SLC17A1: variants seen among roughly 807,000 people sequenced by gnomAD.
SLC17A1 encodes sodium-dependent phosphate transport protein 1.
Under a neutral mutation model 53.5 loss-of-function variants are expected in SLC17A1, and 51 were observed. The ratio of observed to expected loss-of-function variants is 0.95; its 90% CI spans 0.76 to 1.20. The LOEUF (loss-of-function observed/expected upper bound fraction) is 1.20. SLC17A1 is among the 50% of genes most tolerant of loss of function. The pLI is 0.00. For missense variants in SLC17A1, 538 were observed against 568.2 expected, an observed-to-expected ratio of 0.95 and a Z score of 0.54; for synonymous variants, 179 against 198.8, an observed-to-expected ratio of 0.90 and a Z score of 0.84.
At position 25,819,922 on chromosome 6, in the gene SLC17A1, G is replaced by C; in HGVS notation, c.208-7C>G. 8 of 1,545,272 alleles carry C rather than the reference G, an allele frequency of 5.2e-6. No homozygotes were observed. The highest frequency in any genetic ancestry group is 7.1e-6 in the Non-Finnish European group (8 of 1,127,650). The stretch of plus-strand genomic sequence containing the variant: ...TCCAATTATACATAGGGTTCTAAAA[G>C]ACAAGGGGGGACATGTCGAATCACT... On this transcript the variant is annotated splice_polypyrimidine_tract_variant and splice_region_variant and intron_variant, in intron 3 of 12. Transcript: ENST00000244527.
chr6:25,727,375 T>TG, the SLC17A1 span: 1 of 1,304,406 alleles, frequency 7.7e-7, no homozygotes, highest in Non-Finnish European at 1.0e-6. Flanking sequence ...GGGCTTCGTT[T>TG]TTGTGTAGTT....
chr6:25,770,936 G>A, the SLC17A1 span: 6 of 1,613,784 alleles, frequency 3.7e-6, no homozygotes, highest in Non-Finnish European at 5.1e-6. Context: ...GGTCAATGCT[G>A]GGGTCCTTCA....
chr6:25,811,872 T>C, intron 8 of SLC17A1, 102 bp from the exon 9 acceptor site: 2 of 1,256,166 alleles, frequency 1.6e-6, no homozygotes, highest in Non-Finnish European at 2.2e-6. Flanking sequence ...AATGTGTACT[T>C]TCATATAGGA....
At chr6:25,757,560 C>A in the SLC17A1 span, among the ~76,000 whole-genome samples, 1 of 152,096 alleles carries the variant, frequency 6.6e-6, no homozygotes, top group Admixed American at 6.5e-5. Flanking sequence ...TGCCCCCCAA[C>A]CCGCTGCTCC....
the SLC17A1 span, chr6:25,732,484 A>G: frequency 1.5e-4 from 58 of 374,826 alleles, no homozygotes; most frequent in Admixed American, 2.9e-4. Flanking sequence ...GGTACGCGCT[A>G]TTCATTCAGA....
intron 10 of SLC17A1, among the ~76,000 whole-genome samples, chr6:25,806,177 T>C (rs559314845): frequency 6.8e-4 from 104 of 152,150 alleles, no homozygotes; most frequent in Middle Eastern, 3.4e-3. Context: ...GATAGAATAA[T>C]ACACCATGAT....
chr6:25,810,952 A>G (rs1227654121), intron 10 of SLC17A1, among the ~76,000 whole-genome samples: 2 of 152,208 alleles, frequency 1.3e-5, no homozygotes, highest in Non-Finnish European at 2.9e-5. Flanking sequence ...GTCATTTGTG[A>G]CAACTTGAAT....
chr6:25,741,156 A>G, the SLC17A1 span, among the ~76,000 whole-genome samples: 2 of 152,206 alleles, frequency 1.3e-5, no homozygotes, highest in African/African-American at 4.8e-5. Flanking sequence ...GCTAAAAGAG[A>G]AGATTTGTAA....
At chr6:25,824,519 A>T (rs761779353) in intron 3 of SLC17A1, among the ~76,000 whole-genome samples, 20 of 152,034 alleles carry the variant, frequency 1.3e-4, no homozygotes, top group Admixed American at 4.6e-4. Context: ...TAACATATAG[A>T]TACATAAAAT....
At chr6:25,775,742 A>G in the SLC17A1 span, among the ~76,000 whole-genome samples, 1 of 152,102 alleles carries the variant, frequency 6.6e-6, no homozygotes, top group African/African-American at 2.4e-5. Context: ...TTTCCTATAT[A>G]TATTCTTTCT....
chr6:25,790,902 C>A (rs1763486507), intron 12 of SLC17A1, among the ~76,000 whole-genome samples: 1 of 151,990 alleles, frequency 6.6e-6, no homozygotes. Context: ...AAAACGAAAC[C>A]AACAAGATAG....
the SLC17A1 span, among the ~76,000 whole-genome samples, chr6:25,733,665 A>G: frequency 3.9e-5 from 6 of 152,100 alleles, no homozygotes. Context: ...CTTTGGTTTG[A>G]GATATAATGG....
chr6:25,810,677 A>G (rs1227837555), intron 10 of SLC17A1, among the ~76,000 whole-genome samples: 1 of 152,160 alleles, frequency 6.6e-6, no homozygotes, highest in Non-Finnish European at 1.5e-5. Flanking sequence ...TACAGCTGTT[A>G]CGGAAAACAG....
chr6:25,783,432 G>A (rs1277767667), intron 12 of SLC17A1, among the ~76,000 whole-genome samples: 1 of 152,032 alleles, frequency 6.6e-6, no homozygotes, highest in African/African-American at 2.4e-5. Flanking sequence ...ATGGCTGTCT[G>A]TGCAAGTTTA....
chr6:25,768,506 G>A, the SLC17A1 span: 1 of 513,536 alleles, frequency 1.9e-6, no homozygotes, highest in African/African-American at 2.1e-5. Context: ...TATCTTTCAA[G>A]TTTCATCTCT....
chr6:25,773,722 T>G, the SLC17A1 span: 1 of 1,578,830 alleles, frequency 6.3e-7, no homozygotes, highest in Non-Finnish European at 8.6e-7. Context: ...AATGCTTAAA[T>G]AATGAGAGCT....
downstream of SLC17A1, among the ~76,000 whole-genome samples, chr6:25,782,233 A>C (rs1763282330): frequency 6.6e-6 from 1 of 152,154 alleles, no homozygotes; most frequent in Non-Finnish European, 1.5e-5. Flanking sequence ...AGAAAGAAAA[A>C]GGTCTGAAGT....
intron 3 of SLC17A1, 36 bp downstream of exon 3, chr6:25,826,425 T>G (rs984180765): frequency 4.6e-6 from 7 of 1,530,500 alleles, no homozygotes; most frequent in Non-Finnish European, 6.2e-6. Flanking sequence ...AGACAGGCTT[T>G]TAAACATTTG....
intron 3 of SLC17A1, among the ~76,000 whole-genome samples, chr6:25,823,090 A>G (rs1764620696): frequency 6.6e-6 from 1 of 152,046 alleles, no homozygotes; most frequent in African/African-American, 2.4e-5. Context: ...TTCACTTGGC[A>G]TAATTATCTT....
Sources: allele counts gnomAD v4.1 joint callset (sites outside exome capture counted in the v4.1 genomes callset), GRCh38; gene constraint gnomAD v4.1.1; transcripts MANE v1.5; gene names NCBI Gene and HGNC (gene_info 2026-07-23, HGNC 2026-07-21).